Variants in DPYD observed in about 807,000 individuals in gnomAD.
DPYD encodes dihydropyrimidine dehydrogenase.
Under a neutral mutation model 116.2 loss-of-function variants are expected in DPYD, and 109 were observed. The observed-to-expected ratio is 0.94, with a 90% CI of 0.80 to 1.10. The LOEUF (loss-of-function observed/expected upper bound fraction) is 1.10, where lower values mean the gene tolerates loss of function less well. Ranked by LOEUF, DPYD falls within the 50% of genes least tolerant of loss-of-function variation. The pLI, the probability that DPYD is intolerant of heterozygous loss-of-function variation, is 0.00. For synonymous variants in DPYD, 440 were observed against 432.0 expected, an observed-to-expected ratio of 1.02 and a Z score of -0.23; for missense variants, 1,302 against 1,254.5, an observed-to-expected ratio of 1.04 and a Z score of -0.57.
chr1:97,391,902 T>C (rs1672724863), intron 14 of DPYD, among the ~76,000 whole-genome samples: 1 of 152,052 alleles, frequency 6.6e-6, no homozygotes, highest in African/African-American at 2.4e-5. Context: ...CATATGTCTG[T>C]TTCTTTTGTC....
intron 20 of DPYD, among the ~76,000 whole-genome samples, chr1:97,181,291 C>T (rs1227184050): frequency 6.6e-6 from 1 of 152,118 alleles, no homozygotes; most frequent in Admixed American, 6.6e-5. Context: ...ACTCTGGTTA[C>T]AAGCAATGCA....
intron 20 of DPYD, among the ~76,000 whole-genome samples, chr1:97,109,016 G>A (rs564616134): frequency 1.2e-4 from 18 of 152,230 alleles, no homozygotes; most frequent in Admixed American, 3.3e-4. Context: ...GCAGAAACTA[G>A]CTGAATGACC....
intron 3 of DPYD, among the ~76,000 whole-genome samples, chr1:97,782,390 G>T (rs1666799040): frequency 6.6e-6 from 1 of 152,186 alleles, no homozygotes; most frequent in Admixed American, 6.5e-5. Flanking sequence ...ACAACAGACA[G>T]CAGTCACTGC....
At chr1:97,537,297 A>C (rs1650076276) in intron 12 of DPYD, among the ~76,000 whole-genome samples, 1 of 152,194 alleles carries the variant, frequency 6.6e-6, no homozygotes, top group African/African-American at 2.4e-5. Context: ...TAAAATTCTT[A>C]CAACCCAGCA....
chr1:97,162,411 T>C (rs1655986167), intron 20 of DPYD, among the ~76,000 whole-genome samples: 1 of 152,074 alleles, frequency 6.6e-6, no homozygotes, highest in South Asian at 2.1e-4. Flanking sequence ...TACCTAGGAA[T>C]CCAACTTACA....
chr1:97,594,874 T>C (rs543744594), intron 9 of DPYD, among the ~76,000 whole-genome samples, 185 bp downstream of exon 9: 24 of 152,234 alleles, frequency 1.6e-4, no homozygotes, highest in African/African-American at 5.3e-4. Context: ...ATTGGAAGAA[T>C]GAACAAACAG....
chr1:97,611,768 A>T (rs1054124235), intron 8 of DPYD, among the ~76,000 whole-genome samples: 32 of 152,062 alleles, frequency 2.1e-4, no homozygotes, highest in African/African-American at 7.5e-4. Context: ...AACAAGAATA[A>T]GATCCTTAAT....
chr1:97,638,379 G>A (rs753814263), intron 8 of DPYD, among the ~76,000 whole-genome samples: 2 of 152,046 alleles, frequency 1.3e-5, no homozygotes, highest in African/African-American at 2.4e-5. Flanking sequence ...TTTTGCACAT[G>A]TGGGTACTTG....
At chr1:97,846,966 A>G (rs920206085) in intron 2 of DPYD, among the ~76,000 whole-genome samples, 19 of 152,180 alleles carry the variant, frequency 1.2e-4, no homozygotes, top group African/African-American at 3.9e-4. Context: ...TCAAAACCAT[A>G]AAGTGGAGGG....
chr1:97,858,318 A>T (rs1218749106), intron 2 of DPYD, among the ~76,000 whole-genome samples: 2 of 152,024 alleles, frequency 1.3e-5, no homozygotes, highest in Non-Finnish European at 2.9e-5. Context: ...TGTTTTTGTT[A>T]AGTCTGCTAA....
At position 97,312,266 on chromosome 1, in the gene DPYD, T is replaced by A. The variant is rs563428726; in HGVS notation, c.2059-5969A>T. ...GCCGAAAATGTAAAGACTGATAATA[T>A]CCCTCTTTGCTGAGGTTGCAAAGAA... is the stretch of plus-strand genomic sequence containing the variant. On this transcript the variant is annotated intron_variant, in intron 16 of 22. Coordinates refer to ENST00000370192, the MANE Select transcript of DPYD (RefSeq NM_000110.4). Among the ~76,000 whole-genome samples the A allele has an allele frequency of 2.0e-5, 3 of 151,934 alleles. No individual in the cohort carries two copies. The East Asian group carries it at 5.8e-4, about 30-fold the overall frequency.
At chr1:97,562,097 C>G (rs1215069319) in intron 11 of DPYD, among the ~76,000 whole-genome samples, 1 of 152,074 alleles carries the variant, frequency 6.6e-6, no homozygotes, top group East Asian at 1.9e-4. Context: ...ATAATTAATA[C>G]AAAACACATA....
In DPYD at chr1:97,744,884, C is replaced by T. The variant is rs150888705; in HGVS notation, c.234-4405G>A. ...AGAAATCAAAGTTGGAAGTGTCATA[C>T]ATGTATGAGTTCCACAACTTTTATC... On this transcript the variant is annotated intron_variant, in intron 3 of 22. Coordinates refer to ENST00000370192, the MANE Select transcript of DPYD (RefSeq NM_000110.4). Among the ~76,000 whole-genome samples, 807 of 152,074 alleles carry T rather than the reference C, an allele frequency of 5.3e-3. 7 individuals carry two copies. Among genetic ancestry groups the T allele is most frequent in the Non-Finnish European group, 9.0e-3 (610 of 67,930 alleles).
rs59350272 is a variant in DPYD at position 97,130,836 on chromosome 1, C to CTCCTTCCTTCCTTCCTTCCT, written c.2623-32224_2623-32205dup. ...TTCTTTCTTCCTTTCTTTCTTCTTT[C>CTCCTTCCTTCCTTCCTTCCT]TCCTTCCTTCCTTCCTTCCTTCCTT... On this transcript the variant is annotated intron_variant, in intron 20 of 22. Coordinates refer to ENST00000370192, the MANE Select transcript of DPYD (RefSeq NM_000110.4). Among the ~76,000 whole-genome samples, 428 of 64,594 alleles carry CTCCTTCCTTCCTTCCTTCCT rather than the reference C, an allele frequency of 6.6e-3. 5 individuals carry two copies. The highest frequency in any genetic ancestry group is 0.015 in the East Asian group (40 of 2,742). The allele number at this position is 64,594 out of a possible 152,430, so 42.4% of individuals were successfully genotyped here. A position where few individuals can be genotyped will look rare whatever the true frequency, so the allele number is the denominator to read the frequency against.
intron 8 of DPYD, among the ~76,000 whole-genome samples, chr1:97,649,831 C>T (rs117982416): frequency 1.3e-5 from 2 of 152,112 alleles, no homozygotes; most frequent in East Asian, 3.9e-4. Context: ...GGGACACAGG[C>T]GAAACACTGA....
chr1:97,346,351 T>C (rs1258563610), intron 16 of DPYD, among the ~76,000 whole-genome samples: 2 of 151,880 alleles, frequency 1.3e-5, no homozygotes, highest in Non-Finnish European at 2.9e-5. Flanking sequence ...ATCCTTTTTT[T>C]AGTTTTTATA....
At chr1:97,408,575 T>C (rs1673802755) in intron 14 of DPYD, among the ~76,000 whole-genome samples, 1 of 152,138 alleles carries the variant, frequency 6.6e-6, no homozygotes, top group Non-Finnish European at 1.5e-5. Flanking sequence ...TTTCAGGAGA[T>C]GTGTATGGGT....
chr1:97,805,895 A>T (rs575381850), intron 3 of DPYD, among the ~76,000 whole-genome samples: 5 of 151,848 alleles, frequency 3.3e-5, no homozygotes, highest in Admixed American at 1.3e-4. Flanking sequence ...AGAGGCTAGA[A>T]GCTTCCAAAA....
At chr1:97,300,488 T>A (rs775707785) in intron 18 of DPYD, among the ~76,000 whole-genome samples, 6 of 152,082 alleles carry the variant, frequency 3.9e-5, no homozygotes, top group Admixed American at 2.0e-4. Flanking sequence ...ATTAAAAAAA[T>A]ACTAACACTG....
Sources: allele counts gnomAD v4.1 joint callset (sites outside exome capture counted in the v4.1 genomes callset), GRCh38; gene constraint gnomAD v4.1.1; transcripts MANE v1.5; gene names NCBI Gene and HGNC (gene_info 2026-07-23, HGNC 2026-07-21).